The following PTPRK variants were observed in gnomAD, a reference collection of about 807,000 sequenced individuals.
PTPRK encodes protein tyrosine phosphatase receptor type K.
In PTPRK, 75 loss-of-function variants were observed where a neutral mutation model predicts 178.0. The observed-to-expected ratio is 0.42, with a 90% CI of 0.35 to 0.51. The LOEUF (loss-of-function observed/expected upper bound fraction) is 0.51, where lower values mean the gene tolerates loss of function less well. Ranked by LOEUF, PTPRK falls within the 20% of genes least tolerant of loss-of-function variation. PTPRK has a pLI of 0.02. For synonymous variants in PTPRK, 637 were observed against 620.6 expected, an observed-to-expected ratio of 1.03 and a Z score of -0.39; for missense variants, 1,441 against 1,797.8, an observed-to-expected ratio of 0.80 and a Z score of 3.59.
At chr6:128,154,301 T>C (rs975636693) in intron 7 of PTPRK, among the ~76,000 whole-genome samples, 14 of 151,766 alleles carry the variant, frequency 9.2e-5, no homozygotes, top group African/African-American at 3.1e-4. Context: ...CTGAAGCATA[T>C]AGCATCAGAA....
chr6:128,299,580 T>G (rs945020329), intron 3 of PTPRK, among the ~76,000 whole-genome samples: 8 of 151,580 alleles, frequency 5.3e-5, no homozygotes, highest in South Asian at 2.1e-4. Flanking sequence ...TATCTACAAC[T>G]ATCTGATCTT....
At chr6:128,011,170 T>C (rs954328014) in intron 13 of PTPRK, among the ~76,000 whole-genome samples, 2 of 151,214 alleles carry the variant, frequency 1.3e-5, no homozygotes, top group East Asian at 3.9e-4. Flanking sequence ...CAGATACTAC[T>C]TCAAATAGGA....
rs528453812 is a variant in PTPRK, at chr6:128,405,941, C to G, written c.101-8253G>C. On this transcript the variant is annotated intron_variant, in intron 1 of 29. Coordinates refer to ENST00000368226, the MANE Select transcript of PTPRK (RefSeq NM_002844.4). ...AAGTTTTGTAGGACTTTGAAATACACTTCAAGAAAATAGATAACCAATTAA... is the reference window on the plus strand; with the variant it reads ...AAGTTTTGTAGGACTTTGAAATACAGTTCAAGAAAATAGATAACCAATTAA... Among the ~76,000 whole-genome samples the G allele has an allele frequency of 3.3e-5, 5 of 152,030 alleles. No individual in the cohort carries two copies. In the South Asian group the frequency reaches 6.2e-4, roughly 19 times the overall value.
intron 5 of PTPRK, among the ~76,000 whole-genome samples, chr6:128,223,576 C>T (rs1413052425): frequency 2.0e-5 from 3 of 151,784 alleles, no homozygotes; most frequent in Non-Finnish European, 2.9e-5. Flanking sequence ...TTAATGAGTA[C>T]AAAAGACTTA....
chr6:128,354,231 G>GTTTTTTTTTTATTTTTTTTTTT (rs1833614807), intron 2 of PTPRK, among the ~76,000 whole-genome samples: 1 of 49,358 alleles, frequency 2.0e-5, no homozygotes, highest in African/African-American at 9.4e-5. Flanking sequence ...TTTTGTTTAT[G>GTTTTTTTTTTATTTTTTTTTTT]TTTTTTTTTT....
intron 16 of PTPRK, 39 bp from the exon 17 acceptor site, chr6:127,997,027 C>A: frequency 6.3e-7 from 1 of 1,583,642 alleles, no homozygotes; most frequent in South Asian, 1.1e-5. Flanking sequence ...GAATTTAATT[C>A]CTTTTTAAAA....
chr6:128,036,581 A>G (rs1188864403), intron 13 of PTPRK, among the ~76,000 whole-genome samples: 2 of 152,052 alleles, frequency 1.3e-5, no homozygotes, highest in Non-Finnish European at 2.9e-5. Flanking sequence ...TCTATGTTTA[A>G]TAACACTGCA....
chr6:128,164,546 G>C (rs1434840748), intron 7 of PTPRK, among the ~76,000 whole-genome samples: 68 of 151,348 alleles, frequency 4.5e-4, no homozygotes, highest in Non-Finnish European at 5.9e-5. Context: ...ATATGAGTTT[G>C]CTTCAATACT....
At chr6:128,520,086 G>C (rs1858793676) in intron 1 of PTPRK, among the ~76,000 whole-genome samples, 173 bp downstream of exon 1, 1 of 152,134 alleles carries the variant, frequency 6.6e-6, no homozygotes, top group Non-Finnish European at 1.5e-5. Flanking sequence ...TGGGTGCCCC[G>C]CGTCCCACCT....
chr6:128,516,287 G>A (rs1858004489), intron 1 of PTPRK, among the ~76,000 whole-genome samples: 1 of 152,056 alleles, frequency 6.6e-6, no homozygotes, highest in South Asian at 2.1e-4. Flanking sequence ...ACATGCCAAT[G>A]TCCAAACAGC....
intron 2 of PTPRK, among the ~76,000 whole-genome samples, chr6:128,364,007 T>G (rs1363163534): frequency 2.0e-5 from 3 of 152,112 alleles, no homozygotes; most frequent in Non-Finnish European, 4.4e-5. Context: ...GTCTCATTTT[T>G]TTATAGATGA....
rs139301939 is a variant in PTPRK at position 127,985,735 on chromosome 6, G to A, written c.3237C>T (p.Ile1079=). 157 of 1,612,760 alleles carry A rather than the reference G, an allele frequency of 9.7e-5. No individual in the cohort carries two copies. The highest frequency in any genetic ancestry group is 1.2e-4 in the Non-Finnish European group (141 of 1,179,032). ...KLSNPPSAGP[I]VVHCSAGAGR... is the part of the protein sequence containing the mutation. ...CCACCACTTACCTGCAATGTACAAC[G>A]ATGGGGCCAGCACTGGGAGGGTTTG... The change falls in exon 22 of 30, where the codon ATC becomes ATT. Residue 1079 remains isoleucine, a synonymous_variant. Coordinates refer to ENST00000368226, the MANE Select transcript of PTPRK (RefSeq NM_002844.4).
intron 3 of PTPRK, among the ~76,000 whole-genome samples, chr6:128,315,337 T>C (rs1161880728): frequency 6.6e-6 from 1 of 152,146 alleles, no homozygotes; most frequent in Non-Finnish European, 1.5e-5. Context: ...GACCTTATTT[T>C]TAAACATAAA....
intron 11 of PTPRK, among the ~76,000 whole-genome samples, chr6:128,076,675 G>T (rs548963214): frequency 6.6e-6 from 1 of 152,098 alleles, no homozygotes; most frequent in East Asian, 1.9e-4. Context: ...TCTAGAAAAG[G>T]TCAAAAATCT....
At chr6:128,215,525 G>A (rs888912185) in intron 6 of PTPRK, among the ~76,000 whole-genome samples, 4 of 152,008 alleles carry the variant, frequency 2.6e-5, no homozygotes, top group African/African-American at 4.8e-5. Context: ...ATACATTATC[G>A]TTATTCAAAA....
intron 7 of PTPRK, among the ~76,000 whole-genome samples, chr6:128,154,813 C>A (rs1351881922): frequency 6.6e-6 from 1 of 151,642 alleles, no homozygotes; most frequent in African/African-American, 2.4e-5. Flanking sequence ...AACCTATATT[C>A]CATTTTTATG....
rs1387884076 is a variant in PTPRK, at chr6:128,316,386, GT to G, written c.495+5652del. ...CTGACCGCTCATTATTTTTCAATCA[GT>G]TACTGAAAGGGAATTGGACTAATTT... On this transcript the variant is annotated intron_variant, in intron 3 of 29. Coordinates refer to ENST00000368226, the MANE Select transcript of PTPRK (RefSeq NM_002844.4). Among the ~76,000 whole-genome samples, 4 of 152,110 alleles carry G rather than the reference GT, an allele frequency of 2.6e-5. No homozygotes were observed. The East Asian group carries it at 7.7e-4, about 29-fold the overall frequency.
intron 11 of PTPRK, among the ~76,000 whole-genome samples, chr6:128,071,827 T>G (rs1175210549): frequency 6.6e-6 from 1 of 152,110 alleles, no homozygotes; most frequent in Non-Finnish European, 1.5e-5. Context: ...CTATCTTTCC[T>G]TCATTGTTCA....
At chr6:128,376,346 G>C (rs865935434) in intron 2 of PTPRK, among the ~76,000 whole-genome samples, 2 of 152,280 alleles carry the variant, frequency 1.3e-5, no homozygotes, top group Middle Eastern at 3.4e-3. Flanking sequence ...CCATGTGGAA[G>C]ATGCCAAGGT....
Sources: gnomAD v4.1 joint callset for allele counts (sites outside exome capture counted in the v4.1 genomes callset) on GRCh38, gnomAD v4.1.1 for gene constraint, MANE v1.5 for transcripts, NCBI Gene and HGNC (gene_info 2026-07-23, HGNC 2026-07-21) for gene names.